The following HS2ST1 variants were observed in gnomAD, a reference collection of about 807,000 sequenced individuals.
HS2ST1 encodes the protein heparan sulfate 2-O-sulfotransferase 1.
A neutral mutation model predicts 42.9 loss-of-function variants in HS2ST1; 18 were observed. The ratio of observed to expected loss-of-function variants is 0.42; its 90% CI spans 0.29 to 0.62. The LOEUF is 0.62. Ranked by LOEUF, HS2ST1 falls within the 20% of genes least tolerant of loss-of-function variation. HS2ST1 has a pLI of 0.21. For synonymous variants in HS2ST1, 146 were observed against 152.9 expected (o/e 0.95, Z 0.33); for missense variants, 334 against 433.8 (o/e 0.77, Z 2.04).
At chr1:87,080,979 T>C (rs751756662) in intron 2 of HS2ST1, among the ~76,000 whole-genome samples, 2 of 152,144 alleles carry the variant, frequency 1.3e-5, no homozygotes, top group Non-Finnish European at 1.5e-5. Flanking sequence ...TCCTAAATAA[T>C]GATAAAGGAG....
intron 1 of HS2ST1, among the ~76,000 whole-genome samples, chr1:86,943,596 C>T (rs1279415039): frequency 6.6e-6 from 1 of 151,630 alleles, no homozygotes; most frequent in Non-Finnish European, 1.5e-5. Flanking sequence ...GTGGCAGGCA[C>T]CTGTGGTTCC....
chr1:87,018,973 TATG>T (rs1475817486), intron 1 of HS2ST1, among the ~76,000 whole-genome samples: 1 of 152,232 alleles, frequency 6.6e-6, no homozygotes, highest in Admixed American at 6.5e-5. Flanking sequence ...AATGGCTAAT[TATG>T]ATGTTTCTTT....
intron 1 of HS2ST1, among the ~76,000 whole-genome samples, chr1:87,054,052 A>G (rs1413441893): frequency 6.6e-6 from 1 of 152,068 alleles, no homozygotes; most frequent in Non-Finnish European, 1.5e-5. Context: ...TAACCTACAT[A>G]TTACTACCTG....
intron 1 of HS2ST1, among the ~76,000 whole-genome samples, chr1:86,919,737 G>A (rs879380598): frequency 3.3e-5 from 5 of 152,156 alleles, no homozygotes; most frequent in Non-Finnish European, 7.4e-5. Context: ...CAGATTTATA[G>A]TAGATGTTTC....
At position 87,103,477 on chromosome 1, in the gene HS2ST1, A is replaced by G. The variant is rs752464927; in HGVS notation, c.732A>G (p.Leu244=). The change falls in exon 6 of 7, where the codon CTA becomes CTG. Residue 244 remains leucine (L), a synonymous_variant. Coordinates refer to ENST00000370550, the MANE Select transcript of HS2ST1 (RefSeq NM_012262.4). ...RWAMDQAKYN[L]INEYFLVGVT... ...CTATGGATCAAGCCAAGTATAACCT[A>G]ATTAATGAATATTTTCTGGTGGGAG... 1.2e-6 allele frequency: 2 copies of G among 1,613,194 alleles called. No homozygotes were observed. The highest frequency in any genetic ancestry group is 2.2e-5 in the East Asian group (1 of 44,850).
intron 1 of HS2ST1, among the ~76,000 whole-genome samples, chr1:87,066,097 TTTTAG>T (rs1456930025): frequency 1.3e-5 from 2 of 152,228 alleles, no homozygotes; most frequent in African/African-American, 4.8e-5. Flanking sequence ...GCTGTGTAGA[TTTTAG>T]TTTAATGTAA....
At chr1:87,039,424 T>C (rs943370608) in intron 1 of HS2ST1, among the ~76,000 whole-genome samples, 2 of 152,212 alleles carry the variant, frequency 1.3e-5, no homozygotes, top group Non-Finnish European at 2.9e-5. Flanking sequence ...CTCAGTTTCA[T>C]TGGGATCCTC....
At chr1:87,000,238 G>C (rs1045315110) in intron 1 of HS2ST1, among the ~76,000 whole-genome samples, 1 of 152,040 alleles carries the variant, frequency 6.6e-6, no homozygotes, top group African/African-American at 2.4e-5. Context: ...AAATGTACAG[G>C]TAATCATTTC....
chr1:86,915,130 C>A lies in HS2ST1; in HGVS notation c.94C>A (p.Gln32Lys), dbSNP rs80258447. Residue 32 changes from glutamine to lysine, a missense_variant, in exon 1 of 7, where the codon CAG becomes AAG. Gln to Lys is a moderately conservative substitution (Grantham distance 53). Coordinates refer to ENST00000370550, the MANE Select transcript of HS2ST1 (RefSeq NM_012262.4). Reference sequence around the variant, plus strand: ...GATGCTCTTCTTGGAAAACCAGATCCAGAAACTGGAGGAGTCCCGCTCGAA... The same window carrying A: ...GATGCTCTTCTTGGAAAACCAGATCAAGAAACTGGAGGAGTCCCGCTCGAA... ...VAMLFLENQI[Q>K]KLEESRSKLE... 392 of 1,614,080 alleles carry A rather than the reference C, an allele frequency of 2.4e-4. 1 individual carries two copies. The African/African-American group carries it at 4.8e-3, about 20-fold the overall frequency.
intron 3 of HS2ST1, among the ~76,000 whole-genome samples, chr1:87,086,510 A>C (rs1379780688): frequency 6.6e-6 from 1 of 152,200 alleles, no homozygotes; most frequent in Non-Finnish European, 1.5e-5. Flanking sequence ...TTGGCAAAAT[A>C]CTTATTTAAC....
At chr1:86,920,181 T>A (rs1660264556) in intron 1 of HS2ST1, among the ~76,000 whole-genome samples, 1 of 152,212 alleles carries the variant, frequency 6.6e-6, no homozygotes, top group Non-Finnish European at 1.5e-5. Flanking sequence ...TATGAGCACA[T>A]TAGGAATAAT....
chr1:86,937,397 T>C lies in HS2ST1; in HGVS notation c.124+22237T>C, dbSNP rs556730828. Among the ~76,000 whole-genome samples, 12 of 152,304 alleles carry C rather than the reference T, an allele frequency of 7.9e-5. No homozygotes were observed. The East Asian group carries it at 2.1e-3, about 27-fold the overall frequency. The stretch of plus-strand genomic sequence containing the variant: ...TTTTATATTTAAATATGAAGGACAA[T>C]GTATAGTTAGCTTTTTGAAGAACAT... On this transcript the variant is annotated intron_variant, in intron 1 of 6. Coordinates refer to ENST00000370550, the MANE Select transcript of HS2ST1 (RefSeq NM_012262.4).
At chr1:86,987,070 T>TG (rs1232131948) in intron 1 of HS2ST1, among the ~76,000 whole-genome samples, 8 of 145,736 alleles carry the variant, frequency 5.5e-5, no homozygotes, top group Non-Finnish European at 1.2e-4. Context: ...ATAGCCAGGT[T>TG]TTTTTTTTTT....
chr1:86,946,600 C>G (rs1647345888), intron 1 of HS2ST1, among the ~76,000 whole-genome samples: 1 of 152,166 alleles, frequency 6.6e-6, no homozygotes, highest in Non-Finnish European at 1.5e-5. Flanking sequence ...CATATACCAA[C>G]CCCTCTTTGA....
intron 3 of HS2ST1, among the ~76,000 whole-genome samples, chr1:87,091,167 A>G (rs1396720129): frequency 6.6e-6 from 1 of 152,052 alleles, no homozygotes; most frequent in African/African-American, 2.4e-5. Flanking sequence ...CTAGAATAGT[A>G]TTATATCTGG....
chr1:87,015,846 C>G (rs1649739353), intron 1 of HS2ST1, among the ~76,000 whole-genome samples: 1 of 151,758 alleles, frequency 6.6e-6, no homozygotes, highest in South Asian at 2.1e-4. Context: ...GAGATGGAGT[C>G]TATCTCTGTC....
intron 1 of HS2ST1, among the ~76,000 whole-genome samples, chr1:87,072,616 C>T (rs147604315): frequency 2.0e-5 from 3 of 152,236 alleles, no homozygotes; most frequent in Admixed American, 6.5e-5. Flanking sequence ...ACTCTTTATT[C>T]CTTTTTGTTC....
At chr1:86,934,444 A>G (rs2102168076) in intron 1 of HS2ST1, 1 of 152,304 alleles carries the variant, frequency 6.6e-6, no homozygotes. Context: ...TTTAATTCTC[A>G]AGCTAGTCCA....
At chr1:87,034,143 G>A (rs2100598336) in intron 1 of HS2ST1, among the ~76,000 whole-genome samples, 1 of 152,250 alleles carries the variant, frequency 6.6e-6, no homozygotes. Context: ...GTTTCAAAGT[G>A]TCAAAACAAA....
Sources: gnomAD v4.1 joint callset for allele counts (sites outside exome capture counted in the v4.1 genomes callset) on GRCh38, gnomAD v4.1.1 for gene constraint, MANE v1.5 for transcripts, NCBI Gene and HGNC (gene_info 2026-07-23, HGNC 2026-07-21) for gene names.